The following DLX3 variants were observed in gnomAD, a reference collection of about 807,000 sequenced individuals.
The protein encoded by DLX3 is distal-less homeobox 3.
A neutral mutation model predicts 28.0 loss-of-function variants in DLX3; 9 were observed. The observed-to-expected ratio is 0.32, with a 90% CI of 0.19 to 0.56. The LOEUF is 0.56. Among genes scored for constraint, DLX3 ranks in the 20% least tolerant of loss-of-function variants. DLX3 has a pLI of 0.91. For missense variants in DLX3, 313 were observed against 378.2 expected, an observed-to-expected ratio of 0.83 and a Z score of 1.43; for synonymous variants, 154 against 167.9, an observed-to-expected ratio of 0.92 and a Z score of 0.64.
Position 49,994,854 on chromosome 17 carries a change from C to G in DLX3, c.145G>C (p.Asp49His). 6.2e-7 allele frequency: 1 copy of G among 1,614,202 alleles called. No individual in the cohort carries two copies. The highest frequency in any genetic ancestry group is 8.5e-7 in the Non-Finnish European group (1 of 1,180,046). Residue 49 changes from aspartate (D) to histidine (H), a missense_variant, in exon 1 of 3, where the codon GAT (aspartate) becomes CAT (histidine). Asp to His is a moderately conservative substitution (Grantham distance 81). Around this residue, in one of 3 missense-constraint regions of DLX3, gnomAD observed 183 missense variants for 197.7 expected, o/e 0.93. Coordinates refer to ENST00000434704, the MANE Select transcript of DLX3 (RefSeq NM_005220.3). ...CCATAGGGCTGGCCCGAGTAGTAATCGTGCTGGGGAGCGCTGTAGTAGCCC... is the reference window on the plus strand; with the variant it reads ...CCATAGGGCTGGCCCGAGTAGTAATGGTGCTGGGGAGCGCTGTAGTAGCCC... ...DLGYYSAPQH[D>H]YYSGQPYGQT...
In DLX3 at chr17:49,991,709, C is replaced by T. The variant is rs771510981; in HGVS notation, c.672G>A (p.Pro224=). The change falls in exon 3 of 3, where the codon CCG becomes CCA. Residue 224 remains proline, a synonymous_variant. Coordinates refer to ENST00000434704, the MANE Select transcript of DLX3 (RefSeq NM_005220.3). ...GGGGCAGCTGACTGCGGGCAGGGGCCGGAGTGGAGTGGGAAGAGGTGTCCC... is the reference window on the plus strand; with the variant it reads ...GGGGCAGCTGACTGCGGGCAGGGGCTGGAGTGGAGTGGGAAGAGGTGTCCC... ...ALWDTSSHST[P]APARSQLPPP... 9.3e-6 allele frequency: 15 copies of T among 1,613,488 alleles called. No individual in the cohort carries two copies. The highest frequency in any genetic ancestry group is 3.3e-5 in the Admixed American group (2 of 59,968).
intron 1 of DLX3, 99 bp downstream of exon 1, chr17:49,994,575 T>G (rs1330635618): frequency 7.2e-7 from 1 of 1,389,144 alleles, no homozygotes; most frequent in East Asian, 2.4e-5. Context: ...AGTACTTTTC[T>G]TAGAAGTTTT....
Position 49,991,697 on chromosome 17 carries a change from G to T in DLX3, c.684C>A (p.Arg228=), listed in dbSNP as rs753179679. 9.3e-6 allele frequency: 15 copies of T among 1,613,564 alleles called. No homozygotes were observed. The highest frequency in any genetic ancestry group is 1.3e-5 in the Non-Finnish European group (15 of 1,179,810). Residue 228 remains arginine (R), a synonymous_variant, in exon 3 of 3, where the codon CGC becomes CGA. Transcript: ENST00000434704. ...ATGGGAGCGGCGGGGGCAGCTGACT[G>T]CGGGCAGGGGCCGGAGTGGAGTGGG... is the stretch of plus-strand genomic sequence containing the variant. The part of the protein sequence containing the change: ...TSSHSTPAPA[R]SQLPPPLPYS...
rs1233717069 is a variant in DLX3 at position 49,994,920 on chromosome 17, T to G, written c.79A>C (p.Lys27Gln). ...SSSLSCHAGS[K>Q]DSPTLPESSV... is the part of the protein sequence containing the mutation. ...GACTCGGGCAGGGTAGGCGAGTCCT[T>G]GGAGCCCGCATGGCAGCTAAGGGAG... The change falls in exon 1 of 3, where the codon AAG becomes CAG. Residue 27 changes from lysine to glutamine, a missense_variant. Around this residue, in one of 3 missense-constraint regions of DLX3, gnomAD observed 183 missense variants for 197.7 expected, o/e 0.93. Coordinates refer to ENST00000434704, the MANE Select transcript of DLX3 (RefSeq NM_005220.3). 6.2e-7 allele frequency: 1 copy of G among 1,614,110 alleles called. No individual in the cohort carries two copies. Among genetic ancestry groups the G allele is most frequent in the Admixed American group, 1.7e-5 (1 of 60,030 alleles).
Position 49,995,178 on chromosome 17 carries a change from C to A in DLX3, c.-180G>T. 1.3e-6 allele frequency: 1 copy of A among 753,074 alleles called. No homozygotes were observed. The allele number at this position is 753,074 out of a possible 1,614,324, so 46.6% of individuals were successfully genotyped here. Reference sequence around the variant, plus strand: ...GCTTACACCATTGCCTGCCGTCAGGCGGTCGCTGCGCGCCTCTCCTCGCGT... The same window carrying A: ...GCTTACACCATTGCCTGCCGTCAGGAGGTCGCTGCGCGCCTCTCCTCGCGT... On this transcript the variant is annotated 5_prime_UTR_variant, in exon 1 of 3. Coordinates refer to ENST00000434704, the MANE Select transcript of DLX3 (RefSeq NM_005220.3).
At position 49,991,505 on chromosome 17, in the gene DLX3, C is replaced by A. The variant is rs1906085445; in HGVS notation, c.*12G>T. ...TGGGGTCCTTTGTCAAGGGTGCAGGCCAGATGGGTGCTCAGTACACAGCCC... is the reference window on the plus strand; with the variant it reads ...TGGGGTCCTTTGTCAAGGGTGCAGGACAGATGGGTGCTCAGTACACAGCCC... On this transcript the variant is annotated 3_prime_UTR_variant, in exon 3 of 3. Coordinates refer to ENST00000434704, the MANE Select transcript of DLX3 (RefSeq NM_005220.3). 1 of 1,591,988 alleles carries A rather than the reference C, an allele frequency of 6.3e-7. No individual in the cohort carries two copies. The highest frequency in any genetic ancestry group is 8.5e-7 in the Non-Finnish European group (1 of 1,174,292).
rs868762263 is a variant in DLX3 at position 49,990,179 on chromosome 17, G to T, written c.*1338C>A. The T allele has an allele frequency of 6.6e-6, 1 of 152,020 alleles. No individual in the cohort carries two copies. The highest frequency in any genetic ancestry group is 1.9e-4 in the East Asian group (1 of 5,180). 9.4% of individuals were successfully genotyped at this position (152,020 alleles called of 1,614,324 possible). On this transcript the variant is annotated 3_prime_UTR_variant, in exon 3 of 3. Transcript: ENST00000434704. ...GCACCTCCCACAAAACCCAAATCCAGCCGGAGCCCACATCTCTCAGCTTGA... is the reference window on the plus strand; with the variant it reads ...GCACCTCCCACAAAACCCAAATCCATCCGGAGCCCACATCTCTCAGCTTGA...
Position 49,995,199 on chromosome 17 carries a change from C to G in DLX3, c.-201G>C. On this transcript the variant is annotated 5_prime_UTR_variant, in exon 1 of 3. Transcript: ENST00000434704. ...CAGGCGGTCGCTGCGCGCCTCTCCT[C>G]GCGTCCCAAGCCACAATCAAATGCT... 1.5e-6 allele frequency: 1 copy of G among 672,382 alleles called. No individual in the cohort carries two copies. The highest frequency in any genetic ancestry group is 2.4e-5 in the Admixed American group (1 of 41,934). 41.7% of individuals were successfully genotyped at this position (672,382 alleles called of 1,614,324 possible).
intron 1 of DLX3, among the ~76,000 whole-genome samples, chr17:49,994,230 A>G (rs1470559767): frequency 6.7e-6 from 1 of 148,804 alleles, no homozygotes; most frequent in Non-Finnish European, 1.5e-5. Context: ...CTTTCCCGCA[A>G]CTTCCGTGGG....
In DLX3 at chr17:49,990,683, AC is replaced by A. The variant is rs893314827; in HGVS notation, c.*833del. ...GTGGGGGCAGGGACAGAACAGAGGCACCCTTGCAAGGGGAGACTTGGCCCTA... is the reference window on the plus strand; with the variant it reads ...GTGGGGGCAGGGACAGAACAGAGGCACCTTGCAAGGGGAGACTTGGCCCTA... On this transcript the variant is annotated 3_prime_UTR_variant, in exon 3 of 3. Coordinates refer to ENST00000434704, the MANE Select transcript of DLX3 (RefSeq NM_005220.3). 10 of 152,536 alleles carry A rather than the reference AC, an allele frequency of 6.6e-5. No homozygotes were observed. The highest frequency in any genetic ancestry group is 2.4e-4 in the African/African-American group (10 of 41,396). 9.4% of individuals were successfully genotyped at this position (152,536 alleles called of 1,614,324 possible). A position where few individuals can be genotyped will look rare whatever the true frequency, so the allele number is the denominator to read the frequency against.
chr17:49,990,077 G>C lies in DLX3; in HGVS notation c.*1440C>G, dbSNP rs1288757588. On this transcript the variant is annotated 3_prime_UTR_variant, in exon 3 of 3. Transcript: ENST00000434704. ...AAGAAAGCAGAAATGAGAAGGCTGG[G>C]AGGGGGTGGGAGATGGCTTTGCTTC... 3.9e-5 allele frequency: 6 copies of C among 152,480 alleles called. No homozygotes were observed. Among genetic ancestry groups the C allele is most frequent in the Admixed American group, 3.9e-4 (6 of 15,268 alleles). The allele number at this position is 152,480 out of a possible 1,614,324, so 9.4% of individuals were successfully genotyped here. A position where few individuals can be genotyped will look rare whatever the true frequency, so the allele number is the denominator to read the frequency against.
In DLX3 at chr17:49,994,738, G is replaced by C; in HGVS notation, c.261C>G (p.Thr87=). 1 of 1,614,216 alleles carries C rather than the reference G, an allele frequency of 6.2e-7. No homozygotes were observed. The highest frequency in any genetic ancestry group is 8.5e-7 in the Non-Finnish European group (1 of 1,180,042). ...TGAYSPKSEY[T]YGASYRQYGA... is the part of the protein sequence containing the mutation. ...CGTATTGCCGGTAGGAGGCTCCGTAGGTATATTCCGACTTGGGCGAGTAAG... is the reference window on the plus strand; with the variant it reads ...CGTATTGCCGGTAGGAGGCTCCGTACGTATATTCCGACTTGGGCGAGTAAG... Residue 87 remains threonine, a synonymous_variant, in exon 1 of 3, where the codon ACC becomes ACG. Transcript: ENST00000434704.
At chr17:49,992,994 A>C (rs943117585) in intron 2 of DLX3, among the ~76,000 whole-genome samples, 3 of 152,220 alleles carry the variant, frequency 2.0e-5, no homozygotes, top group Non-Finnish European at 4.4e-5. Context: ...TGACCCCGGC[A>C]GGATCACACT....
rs1257609206 is a variant in DLX3 at position 49,994,677 on chromosome 17, G to C, written c.322C>G (p.Pro108Ala). Reference sequence around the variant, plus strand: ...CTCGCGACCCCGTGGCCCTCACCTGGGTCCTGGGCTGGCAGCGGCTGCTCC... The same window carrying C: ...CTCGCGACCCCGTGGCCCTCACCTGCGTCCTGGGCTGGCAGCGGCTGCTCC... ...YREQPLPAQDPVSVKEEPEAE... is the reference protein window; with the variant it reads ...YREQPLPAQDAVSVKEEPEAE... The change falls in exon 1 of 3, where the codon CCA becomes GCA. Residue 108 changes from proline (P) to alanine (A), a missense_variant. Pro to Ala is a conservative substitution (Grantham distance 27). Transcript: ENST00000434704. 6.2e-7 allele frequency: 1 copy of C among 1,614,070 alleles called. No individual in the cohort carries two copies. The highest frequency in any genetic ancestry group is 1.1e-5 in the South Asian group (1 of 91,070).
intron 2 of DLX3, among the ~76,000 whole-genome samples, chr17:49,992,906 A>G (rs1906142138): frequency 6.6e-6 from 1 of 152,178 alleles, no homozygotes; most frequent in Non-Finnish European, 1.5e-5. Flanking sequence ...GCAAGCACAC[A>G]TTTCTGAACA....
rs1906226108 is a variant in DLX3 at position 49,994,953 on chromosome 17, T to G, written c.46A>C (p.Ile16Leu). 1.2e-6 allele frequency: 2 copies of G among 1,613,434 alleles called. No homozygotes were observed. The highest frequency in any genetic ancestry group is 2.2e-5 in the South Asian group (2 of 91,076). ...GCATGGCAGCTAAGGGAGCTGGAGATGTCGGTGAGGATGCTGCTGAGCTTG... is the reference window on the plus strand; with the variant it reads ...GCATGGCAGCTAAGGGAGCTGGAGAGGTCGGTGAGGATGCTGCTGAGCTTG... The part of the protein sequence containing the change: ...DRKLSSILTD[I>L]SSSLSCHAGS... Residue 16 changes from isoleucine (I) to leucine (L), a missense_variant, in exon 1 of 3, where the codon ATC becomes CTC. By Grantham distance (5) the Ile-to-Leu change is conservative. This residue lies in a region of DLX3 where 183 missense variants were observed against 197.7 expected (regional missense o/e 0.93). Transcript: ENST00000434704.
In DLX3 at chr17:49,994,866, C is replaced by G. The variant is rs767400459; in HGVS notation, c.133G>C (p.Ala45Pro). The change falls in exon 1 of 3, where the codon GCT becomes CCT. Residue 45 changes from alanine to proline, a missense_variant. Coordinates refer to ENST00000434704, the MANE Select transcript of DLX3 (RefSeq NM_005220.3). ...SSVTDLGYYS[A>P]PQHDYYSGQP... ...CCCGAGTAGTAATCGTGCTGGGGAGCGCTGTAGTAGCCCAGGTCAGTGACA... is the reference window on the plus strand; with the variant it reads ...CCCGAGTAGTAATCGTGCTGGGGAGGGCTGTAGTAGCCCAGGTCAGTGACA... 5 of 1,614,086 alleles carry G rather than the reference C, an allele frequency of 3.1e-6. No homozygotes were observed. In the Admixed American group the frequency reaches 5.0e-5, roughly 16 times the overall value.
chr17:49,993,641 G>A, intron 1 of DLX3, 51 bp from the exon 2 acceptor site: 2 of 1,589,960 alleles, frequency 1.3e-6, no homozygotes, highest in Non-Finnish European at 1.7e-6. Flanking sequence ...CTCGGCCTGC[G>A]ACTCCTGCGA....
In DLX3 at chr17:49,995,203, TC is replaced by T; in HGVS notation, c.-206del. Reference sequence around the variant, plus strand: ...CGGTCGCTGCGCGCCTCTCCTCGCGTCCCAAGCCACAATCAAATGCTGCCAG... The same window carrying T: ...CGGTCGCTGCGCGCCTCTCCTCGCGTCCAAGCCACAATCAAATGCTGCCAG... On this transcript the variant is annotated 5_prime_UTR_variant, in exon 1 of 3. Transcript: ENST00000434704. 4 of 657,570 alleles carry T rather than the reference TC, an allele frequency of 6.1e-6. No homozygotes were observed. The South Asian group carries it at 7.2e-5, about 12-fold the overall frequency. 40.7% of individuals were successfully genotyped at this position (657,570 alleles called of 1,614,324 possible). A position where few individuals can be genotyped will look rare whatever the true frequency, so the allele number is the denominator to read the frequency against.
Sources: gnomAD v4.1 joint callset for allele counts (sites outside exome capture counted in the v4.1 genomes callset) on GRCh38, gnomAD v4.1.1 for gene constraint, gnomAD v4.1.1 regional missense constraint, MANE v1.5 for transcripts, NCBI Gene and HGNC (gene_info 2026-07-23, HGNC 2026-07-21) for gene names.